Variants in ADCY2 observed in about 807,000 individuals in gnomAD.
ADCY2 encodes adenylate cyclase type 2.
A neutral mutation model predicts 125.2 loss-of-function variants in ADCY2; 31 were observed. The observed-to-expected ratio is 0.25, with a 90% CI of 0.19 to 0.33. The LOEUF (loss-of-function observed/expected upper bound fraction) is 0.33, where lower values mean the gene tolerates loss of function less well. ADCY2 is among the 10% of genes least tolerant of loss of function. The pLI, the probability that ADCY2 is intolerant of heterozygous loss-of-function variation, is 1.00. For missense variants in ADCY2, 904 were observed against 1,418.2 expected (o/e 0.64, Z 5.82); for synonymous variants, 512 against 548.4 (o/e 0.93, Z 0.93).
chr5:7,771,489 A>G (rs578134141), intron 17 of ADCY2, among the ~76,000 whole-genome samples: 2 of 152,330 alleles, frequency 1.3e-5, no homozygotes, highest in East Asian at 1.9e-4. Context: ...GTTGATGTGT[A>G]ATCCAGTGCG....
intron 24 of ADCY2, among the ~76,000 whole-genome samples, chr5:7,822,652 C>T (rs922919857): frequency 6.6e-6 from 1 of 152,178 alleles, no homozygotes; most frequent in Non-Finnish European, 1.5e-5. Flanking sequence ...CCTGATTGTA[C>T]ACAGTTCCAG....
intron 2 of ADCY2, among the ~76,000 whole-genome samples, chr5:7,511,213 T>C (rs1291154054): frequency 6.6e-6 from 1 of 152,042 alleles, no homozygotes; most frequent in Admixed American, 6.6e-5. Context: ...AGACAGAAGA[T>C]AAAAATTTTC....
intron 1 of ADCY2, among the ~76,000 whole-genome samples, chr5:7,413,634 C>T (rs1739817514): frequency 6.7e-6 from 1 of 148,622 alleles, no homozygotes. Context: ...GTGGATATTT[C>T]TGTTAACTAC....
At chr5:7,580,221 A>G (rs144299639) in intron 3 of ADCY2, among the ~76,000 whole-genome samples, 1 of 152,184 alleles carries the variant, frequency 6.6e-6, no homozygotes, top group Non-Finnish European at 1.5e-5. Flanking sequence ...CATGTAAAAA[A>G]ACAAAAACCT....
At chr5:7,655,390 G>A (rs891792423) in intron 4 of ADCY2, among the ~76,000 whole-genome samples, 1 of 152,142 alleles carries the variant, frequency 6.6e-6, no homozygotes, top group African/African-American at 2.4e-5. Context: ...CTGCAAGCTG[G>A]AGGCCCAGGA....
At chr5:7,686,670 A>G (rs1304031576) in intron 4 of ADCY2, among the ~76,000 whole-genome samples, 2 of 152,254 alleles carry the variant, frequency 1.3e-5, no homozygotes, top group Admixed American at 6.5e-5. Context: ...AGTTATACCC[A>G]GTATATTAAG....
At chr5:7,714,119 A>AGC (rs1561183353) in intron 11 of ADCY2, among the ~76,000 whole-genome samples, 4 of 152,208 alleles carry the variant, frequency 2.6e-5, no homozygotes, top group Non-Finnish European at 5.9e-5. Flanking sequence ...AAGCATTATA[A>AGC]TTAAGTGGCA....
chr5:7,823,484 C>T (rs1389970493), intron 24 of ADCY2, among the ~76,000 whole-genome samples: 1 of 152,154 alleles, frequency 6.6e-6, no homozygotes, highest in East Asian at 1.9e-4. Context: ...CTAGTCTAAT[C>T]ATTTTCTGAT....
chr5:7,541,461 C>CT (rs1734994980), intron 3 of ADCY2, among the ~76,000 whole-genome samples: 1 of 152,194 alleles, frequency 6.6e-6, no homozygotes, highest in Admixed American at 6.5e-5. Flanking sequence ...TAGAGGGTGT[C>CT]TGTCTTTGAG....
chr5:7,574,722 CAT>C lies in ADCY2; in HGVS notation c.571-51443_571-51442del, dbSNP rs140676914. On this transcript the variant is annotated intron_variant, in intron 3 of 24. Transcript: ENST00000338316. The stretch of plus-strand genomic sequence containing the variant: ...AGATGTAGAGGAGAATCTAGTGAAA[CAT>C]AGCAATGCTTTTCACATGGAGGACA... 8.4e-4 allele frequency among the ~76,000 whole-genome samples: 128 copies of C among 152,284 alleles called. 3 individuals carry two copies. In the East Asian group the frequency reaches 0.021, roughly 25 times the overall value.
intron 3 of ADCY2, among the ~76,000 whole-genome samples, chr5:7,521,193 G>A (rs757647718): frequency 6.6e-6 from 1 of 152,056 alleles, no homozygotes; most frequent in Non-Finnish European, 1.5e-5. Flanking sequence ...ATGGTCAAAA[G>A]GTGTTCTTAT....
chr5:7,500,344 C>T (rs545705248), intron 2 of ADCY2, among the ~76,000 whole-genome samples: 1 of 152,268 alleles, frequency 6.6e-6, no homozygotes, highest in South Asian at 2.1e-4. Flanking sequence ...GAACCGCTCA[C>T]TCCTTAAGTA....
chr5:7,482,767 G>GATAGATAT (rs1554012988), intron 2 of ADCY2, among the ~76,000 whole-genome samples: 1 of 119,476 alleles, frequency 8.4e-6, no homozygotes, highest in Non-Finnish European at 1.7e-5. Flanking sequence ...AAGAAAATGT[G>GATAGATAT]ATATATATAT....
chr5:7,707,012 G>A (rs1741286828), intron 8 of ADCY2, 110 bp downstream of exon 8: 1 of 1,401,842 alleles, frequency 7.1e-7, no homozygotes, highest in Non-Finnish European at 9.6e-7. Flanking sequence ...TGTTGCCTCT[G>A]TTGGTATCAT....
intron 3 of ADCY2, among the ~76,000 whole-genome samples, chr5:7,589,525 AG>A (rs1561112720): frequency 4.1e-4 from 19 of 46,798 alleles, no homozygotes; most frequent in South Asian, 1.6e-3. Context: ...GAAAAGAAAG[AG>A]AAAGAAAGAA....
intron 4 of ADCY2, among the ~76,000 whole-genome samples, chr5:7,635,130 G>C (rs189304112): frequency 2.2e-3 from 342 of 152,300 alleles, no homozygotes; most frequent in African/African-American, 7.6e-3. Context: ...ACTACACGCT[G>C]GGCCTTGCAA....
At chr5:7,743,884 AACACAC>A in intron 15 of ADCY2, 132 bp downstream of exon 15, 1 of 779,422 alleles carries the variant, frequency 1.3e-6, no homozygotes, top group Non-Finnish European at 2.1e-6. Context: ...CAGTTAAGGA[AACACAC>A]ACCCTTCAGG....
At position 7,724,418 on chromosome 5, in the gene ADCY2, T is replaced by C. The variant is rs904770980; in HGVS notation, c.1704-127T>C. 45 of 698,370 alleles carry C rather than the reference T, an allele frequency of 6.4e-5. 1 individual carries two copies. In the East Asian group the frequency reaches 9.1e-4, roughly 14 times the overall value. The allele number at this position is 698,370 out of a possible 1,614,324, so 43.3% of individuals were successfully genotyped here. On this transcript the variant is annotated intron_variant, in intron 12 of 24. Transcript: ENST00000338316. Reference sequence around the variant, plus strand: ...TAGTTGGCATCACGTGTTTTTTTTTTTTTTTTTAAATGCTGTTCGGAATGA... The same window carrying C: ...TAGTTGGCATCACGTGTTTTTTTTTCTTTTTTTAAATGCTGTTCGGAATGA...
intron 3 of ADCY2, among the ~76,000 whole-genome samples, chr5:7,571,793 T>A (rs1246307798): frequency 2.6e-5 from 4 of 152,078 alleles, no homozygotes; most frequent in African/African-American, 9.7e-5. Flanking sequence ...TCCTCCCAAC[T>A]CCCACCCTCC....
Sources: gnomAD v4.1 joint callset for allele counts (sites outside exome capture counted in the v4.1 genomes callset) on GRCh38, gnomAD v4.1.1 for gene constraint, MANE v1.5 for transcripts, NCBI Gene and HGNC (gene_info 2026-07-23, HGNC 2026-07-21) for gene names.